DYSF: variants seen among roughly 807,000 people sequenced by gnomAD.
The protein encoded by DYSF is dysferlin.
In DYSF, 212 loss-of-function variants were observed where a neutral mutation model predicts 274.9. That is an observed-to-expected ratio of 0.77 (90% CI 0.69 to 0.86). The LOEUF (loss-of-function observed/expected upper bound fraction) is 0.86, where lower values mean the gene tolerates loss of function less well. DYSF is among the 40% of genes least tolerant of loss of function. The probability of loss-of-function intolerance (pLI) is 0.00; values close to 1 mark genes in which losing one functional copy is unlikely to be tolerated. For synonymous variants in DYSF, 1,091 were observed against 1,078.7 expected (o/e 1.01, Z -0.22); for missense variants, 2,666 against 2,783.2 (o/e 0.96, Z 0.95).
chr2:71,551,823 C>T (rs1187222897), intron 19 of DYSF, 103 bp downstream of exon 19: 6 of 924,578 alleles, frequency 6.5e-6, no homozygotes, highest in East Asian at 5.2e-5. Context: ...GGAGGAAGCT[C>T]TGCCCACACG....
intron 4 of DYSF, among the ~76,000 whole-genome samples, chr2:71,510,347 C>T (rs753219430): frequency 6.6e-6 from 1 of 152,192 alleles, no homozygotes; most frequent in African/African-American, 2.4e-5. Context: ...TTCTTCTTTT[C>T]CCCTCCACGG....
intron 40 of DYSF, among the ~76,000 whole-genome samples, chr2:71,616,879 C>A (rs779231620): frequency 3.9e-5 from 6 of 151,968 alleles, no homozygotes; most frequent in Non-Finnish European, 8.8e-5. Context: ...TTCATTTCTA[C>A]CTTTAAAATA....
At chr2:71,488,137 A>G (rs763921831) in intron 3 of DYSF, among the ~76,000 whole-genome samples, 4 of 152,230 alleles carry the variant, frequency 2.6e-5, no homozygotes, top group African/African-American at 4.8e-5. Context: ...CTGTGAGCCA[A>G]ATCTGTGTTG....
chr2:71,526,418 T>TGGGGGGGTGGGGGGGGGGGGGGTTG, intron 13 of DYSF, 72 bp downstream of exon 13: 1 of 261,506 alleles, frequency 3.8e-6, no homozygotes, highest in Non-Finnish European at 7.0e-6. Context: ...GGGTGGGCGA[T>TGGGGGGGTGGGGGGGGGGGGGGTTG]GGCGGGCGGG....
intron 42 of DYSF, among the ~76,000 whole-genome samples, chr2:71,647,318 C>A (rs1382395140): frequency 6.6e-6 from 1 of 152,042 alleles, no homozygotes; most frequent in Non-Finnish European, 1.5e-5. Context: ...CGAATACTTA[C>A]AAAATTTGAT....
intron 22 of DYSF, among the ~76,000 whole-genome samples, chr2:71,561,247 G>C (rs1250767533): frequency 1.3e-5 from 2 of 152,172 alleles, no homozygotes; most frequent in South Asian, 4.1e-4. Flanking sequence ...TGAGCTGCTG[G>C]CCTCCCTGCA....
Position 71,466,980 on chromosome 2 carries a change from T to C in DYSF, c.91+47T>C, listed in dbSNP as rs542042455. Reference sequence around the variant, plus strand: ...CGCCCATGCTCGGGTGCTACCCGACTCTCGGCGCTCACTGGCGGGTCTGAA... The same window carrying C: ...CGCCCATGCTCGGGTGCTACCCGACCCTCGGCGCTCACTGGCGGGTCTGAA... On this transcript the variant is annotated intron_variant, in intron 1 of 55. Coordinates refer to ENST00000410020, the MANE Select transcript of DYSF (RefSeq NM_001130987.2). The C allele has an allele frequency of 8.5e-6, 13 of 1,535,876 alleles. No individual in the cohort carries two copies. The East Asian group carries it at 2.2e-4, about 26-fold the overall frequency.
At chr2:71,618,474 GGT>G (rs146080337) in intron 40 of DYSF, among the ~76,000 whole-genome samples, 1,183 of 101,628 alleles carry the variant, frequency 0.012, no homozygotes, top group African/African-American at 0.039. Context: ...GTGTGGTAGA[GGT>G]GTGTGTGTGG....
intron 2 of DYSF, among the ~76,000 whole-genome samples, chr2:71,481,540 C>G (rs2082895695): frequency 6.6e-6 from 1 of 152,234 alleles, no homozygotes; most frequent in Non-Finnish European, 1.5e-5. Flanking sequence ...GCTTCAGGGT[C>G]ACCTGGCTTT....
chr2:71,494,898 C>A (rs949434378), intron 3 of DYSF, among the ~76,000 whole-genome samples: 1 of 152,190 alleles, frequency 6.6e-6, no homozygotes, highest in Admixed American at 6.5e-5. Flanking sequence ...TATTTCTCTA[C>A]CCTCAGGAAT....
intron 1 of DYSF, among the ~76,000 whole-genome samples, chr2:71,472,343 T>C (rs2082091312): frequency 6.6e-6 from 1 of 152,242 alleles, no homozygotes; most frequent in African/African-American, 2.4e-5. Flanking sequence ...CAGCCAAGTA[T>C]GAGGGCTTAT....
chr2:71,679,470 A>G (rs1303156792), intron 53 of DYSF, among the ~76,000 whole-genome samples: 2 of 151,814 alleles, frequency 1.3e-5, no homozygotes, highest in African/African-American at 4.8e-5. Context: ...TATTTAAACC[A>G]AAAGATTACT....
At chr2:71,618,047 T>TGTGTGTGTGGTAGAGATGGG (rs2093952446) in intron 40 of DYSF, among the ~76,000 whole-genome samples, 1 of 111,560 alleles carries the variant, frequency 9.0e-6, no homozygotes, top group Non-Finnish European at 1.8e-5. Flanking sequence ...ATGGTGTGTG[T>TGTGTGTGTGGTAGAGATGGG]GTGTGTGTGT....
intron 42 of DYSF, among the ~76,000 whole-genome samples, chr2:71,653,865 A>G (rs1006088014): frequency 3.7e-4 from 35 of 93,376 alleles, no homozygotes; most frequent in African/African-American, 9.7e-4. Context: ...ATATGGCTAA[A>G]AATTGTAAAT....
chr2:71,569,675 T>TG (rs2092312701), intron 26 of DYSF, 145 bp from the exon 27 acceptor site: 14 of 720,328 alleles, frequency 1.9e-5, no homozygotes, highest in Non-Finnish European at 3.2e-5. Flanking sequence ...CTTGGTCTCT[T>TG]GCACCCTTCC....
At chr2:71,556,116 A>C (rs1315124784) in intron 22 of DYSF, 45 bp downstream of exon 22, 6 of 1,490,244 alleles carry the variant, frequency 4.0e-6, no homozygotes, top group African/African-American at 2.8e-5. Context: ...TCCTGGCTCA[A>C]CTGGGCCTGT....
intron 3 of DYSF, among the ~76,000 whole-genome samples, chr2:71,498,064 G>C (rs1310776558): frequency 1.3e-5 from 2 of 152,024 alleles, no homozygotes; most frequent in African/African-American, 4.8e-5. Flanking sequence ...TTGAGGCCTG[G>C]GGAGTTTCTT....
intron 24 of DYSF, 67 bp from the exon 25 acceptor site, chr2:71,567,884 C>T: frequency 3.8e-6 from 6 of 1,595,952 alleles, no homozygotes; most frequent in Non-Finnish European, 4.3e-6. Flanking sequence ...TCCTCCTCCC[C>T]AGCCTCTCAC....
intron 51 of DYSF, among the ~76,000 whole-genome samples, chr2:71,671,805 C>T (rs1558793192): frequency 6.6e-6 from 1 of 152,164 alleles, no homozygotes; most frequent in Non-Finnish European, 1.5e-5. Flanking sequence ...GGTTTTGTCT[C>T]TGCATCATAG....
Sources: allele counts gnomAD v4.1 joint callset (sites outside exome capture counted in the v4.1 genomes callset), GRCh38; gene constraint gnomAD v4.1.1; transcripts MANE v1.5; gene names NCBI Gene and HGNC (gene_info 2026-07-23, HGNC 2026-07-21).